The following COL9A1 variants were observed in gnomAD, a reference collection of about 807,000 sequenced individuals.
COL9A1 encodes the protein collagen type IX alpha 1 chain, also known as collagen alpha-1(IX) chain.
In COL9A1, 104 loss-of-function variants were observed where a neutral mutation model predicts 142.6. That is an observed-to-expected ratio of 0.73 (90% CI 0.62 to 0.86). The LOEUF is 0.86. Ranked by LOEUF, COL9A1 falls within the 40% of genes least tolerant of loss-of-function variation. The probability of loss-of-function intolerance (pLI) is 0.00; values close to 1 mark genes in which losing one functional copy is unlikely to be tolerated. For missense variants in COL9A1, 1,210 were observed against 1,176.6 expected (o/e 1.03, Z -0.42); for synonymous variants, 466 against 396.0 (o/e 1.18, Z -2.10).
chr6:70,266,807 G>A, intron 17 of COL9A1, 37 bp from the exon 18 acceptor site: 4 of 1,547,224 alleles, frequency 2.6e-6, no homozygotes, highest in Non-Finnish European at 3.6e-6. Flanking sequence ...CTTGAGTTTG[G>A]TACAGAAAGT....
At chr6:70,240,187 T>G (rs1156583526) in intron 32 of COL9A1, among the ~76,000 whole-genome samples, 5 of 152,166 alleles carry the variant, frequency 3.3e-5, no homozygotes, top group Non-Finnish European at 5.9e-5. Context: ...TCCTGGAGAT[T>G]AGGCAACAGC....
chr6:70,259,254 C>T (rs376938413), intron 20 of COL9A1, among the ~76,000 whole-genome samples: 12 of 152,124 alleles, frequency 7.9e-5, no homozygotes, highest in African/African-American at 2.9e-4. Flanking sequence ...GTACAACGTA[C>T]AACGTATTGT....
intron 16 of COL9A1, among the ~76,000 whole-genome samples, 191 bp downstream of exon 16, chr6:70,269,442 T>A (rs1185471478): frequency 6.6e-6 from 1 of 152,344 alleles, no homozygotes; most frequent in East Asian, 1.9e-4. Flanking sequence ...GATACATCTA[T>A]AATGAAAAAT....
chr6:70,226,720 A>ACT (rs1769253471), intron 36 of COL9A1, among the ~76,000 whole-genome samples: 1 of 152,186 alleles, frequency 6.6e-6, no homozygotes, highest in African/African-American at 2.4e-5. Flanking sequence ...GGACACCAGA[A>ACT]GACTTGAAAA....
intron 18 of COL9A1, among the ~76,000 whole-genome samples, chr6:70,266,468 A>AAGAAT (rs965869496): frequency 1.2e-4 from 19 of 152,214 alleles, no homozygotes; most frequent in Admixed American, 1.2e-3. Flanking sequence ...AAGAAAAGAA[A>AAGAAT]AGGTAGTGAC....
chr6:70,281,446 G>GC lies in COL9A1; in HGVS notation c.819dup (p.Gln274AlafsTer21). ...GGGCCCGGAGGCCCGGGAGGACCCT[G>GC]CTCACCCGGGGGACCTCTCTGGCAA... On this transcript the variant is annotated frameshift_variant, in exon 8 of 38. Transcript: ENST00000357250. LOFTEE classifies it high-confidence loss of function. 1 of 1,612,894 alleles carries GC rather than the reference G, an allele frequency of 6.2e-7. No individual in the cohort carries two copies. The highest frequency in any genetic ancestry group is 8.5e-7 in the Non-Finnish European group (1 of 1,179,674).
intron 28 of COL9A1, among the ~76,000 whole-genome samples, chr6:70,243,498 T>G (rs1263159355): frequency 6.6e-6 from 1 of 152,178 alleles, no homozygotes; most frequent in East Asian, 1.9e-4. Context: ...TTCATACAAT[T>G]TTATGCAATC....
downstream of COL9A1, chr6:70,215,176 G>GA (rs1461024980): frequency 6.6e-6 from 1 of 151,732 alleles, no homozygotes; most frequent in Non-Finnish European, 1.5e-5. Context: ...AGTCATATTT[G>GA]AAAAAAGGGA....
intron 15 of COL9A1, among the ~76,000 whole-genome samples, 153 bp from the exon 16 acceptor site, chr6:70,269,818 C>T (rs1234124972): frequency 6.6e-6 from 1 of 152,102 alleles, no homozygotes; most frequent in South Asian, 2.1e-4. Flanking sequence ...AAAATCCTGA[C>T]TCATGGGCAT....
chr6:70,271,765 T>C (rs753629715), intron 13 of COL9A1, 57 bp from the exon 14 acceptor site: 4 of 1,443,344 alleles, frequency 2.8e-6, no homozygotes, highest in Non-Finnish European at 3.9e-6. Flanking sequence ...CAATCTATCA[T>C]ACATTATATC....
intron 33 of COL9A1, among the ~76,000 whole-genome samples, chr6:70,235,408 G>T (rs775322317): frequency 2.6e-5 from 4 of 152,070 alleles, no homozygotes; most frequent in Non-Finnish European, 5.9e-5. Flanking sequence ...AGCGGAGATC[G>T]TGCCACTGTA....
chr6:70,262,206 T>G (rs1388671957), intron 19 of COL9A1, among the ~76,000 whole-genome samples: 1 of 151,920 alleles, frequency 6.6e-6, no homozygotes, highest in African/African-American at 2.4e-5. Context: ...TGTATCCTTA[T>G]CTCCTACCTG....
chr6:70,265,058 C>T (rs1771926310), intron 18 of COL9A1, among the ~76,000 whole-genome samples: 1 of 151,944 alleles, frequency 6.6e-6, no homozygotes, highest in Non-Finnish European at 1.5e-5. Context: ...TTAAGTGACA[C>T]TAAAATGTAA....
At chr6:70,224,162 C>T (rs755630523) in intron 37 of COL9A1, among the ~76,000 whole-genome samples, 1 of 152,130 alleles carries the variant, frequency 6.6e-6, no homozygotes, top group Non-Finnish European at 1.5e-5. Flanking sequence ...TGTTTGTAAG[C>T]GATCCTAGGG....
intron 10 of COL9A1, chr6:70,275,055 C>G (rs1299006662): frequency 4.6e-6 from 2 of 431,884 alleles, no homozygotes; most frequent in Non-Finnish European, 8.4e-6. Context: ...TTTTTTGTCT[C>G]TGCTTTGGAA....
chr6:70,300,263 G>A (rs367873266), intron 3 of COL9A1, 46 bp downstream of exon 3: 5 of 1,597,262 alleles, frequency 3.1e-6, no homozygotes, highest in Non-Finnish European at 4.3e-6. Context: ...AAAAAAATCA[G>A]GTTTATAGAA....
intron 28 of COL9A1, among the ~76,000 whole-genome samples, chr6:70,251,649 G>T (rs1770952726): frequency 6.6e-6 from 1 of 152,208 alleles, no homozygotes; most frequent in African/African-American, 2.4e-5. Context: ...GAGACATAAA[G>T]TGGATTAGTG....
intron 37 of COL9A1, among the ~76,000 whole-genome samples, chr6:70,218,446 C>T (rs1037988599): frequency 1.3e-5 from 2 of 152,158 alleles, no homozygotes; most frequent in Non-Finnish European, 2.9e-5. Context: ...TGAATGTTTA[C>T]CCCAGTGCAC....
intron 4 of COL9A1, among the ~76,000 whole-genome samples, chr6:70,296,036 C>A (rs545408722): frequency 1.3e-5 from 2 of 152,118 alleles, no homozygotes; most frequent in Non-Finnish European, 2.9e-5. Flanking sequence ...TTGCTAAGAT[C>A]TTCTATCTTT....
Sources: allele counts gnomAD v4.1 joint callset (sites outside exome capture counted in the v4.1 genomes callset), GRCh38; gene constraint gnomAD v4.1.1; transcripts MANE v1.5; gene names NCBI Gene and HGNC (gene_info 2026-07-23, HGNC 2026-07-21).